The following EIF4ENIF1 variants were observed in gnomAD, a reference collection of about 807,000 sequenced individuals.
EIF4ENIF1 encodes the protein eukaryotic translation initiation factor 4E nuclear import factor 1.
In EIF4ENIF1, 23 loss-of-function variants were observed where a neutral mutation model predicts 110.5. The observed-to-expected ratio is 0.21, with a 90% CI of 0.15 to 0.29. The LOEUF is 0.29. Among genes scored for constraint, EIF4ENIF1 ranks in the 10% least tolerant of loss-of-function variants. The pLI is 1.00. For missense variants in EIF4ENIF1, 1,031 were observed against 1,221.1 expected, an observed-to-expected ratio of 0.84 and a Z score of 2.32; for synonymous variants, 440 against 437.0, an observed-to-expected ratio of 1.01 and a Z score of -0.09.
rs1379877443 is a variant in EIF4ENIF1 at position 31,488,714 on chromosome 22, T to C, written c.5A>G (p.Asp2Gly). ...TTCTGTTTCACCCATACTTCTCCTA[T>C]CCATGGCTCCTTGGTCTACAATGCT... M[D>G]RRSMGETESG... Residue 2 changes from aspartate to glycine, a missense_variant, in exon 2 of 19, where the codon GAT becomes GGT. Physicochemically the swap from Asp to Gly is moderately conservative, Grantham distance 94 (BLOSUM62 -1). This residue lies in a region of EIF4ENIF1 where 704 missense variants were observed against 879.7 expected (regional missense o/e 0.80). Transcript: ENST00000330125. 4 of 1,613,938 alleles carry C rather than the reference T, an allele frequency of 2.5e-6. No homozygotes were observed. In the African/African-American group the frequency reaches 4.0e-5, roughly 16 times the overall value.
upstream of EIF4ENIF1, among the ~76,000 whole-genome samples, chr22:31,492,185 T>A (rs117999639): frequency 6.2e-3 from 944 of 152,272 alleles, 2 homozygotes; most frequent in Non-Finnish European, 0.011. Context: ...GGGCAAGTGT[T>A]CAGAGAGCGA....
chr22:31,484,761 GGC>G (rs2051955272), intron 2 of EIF4ENIF1, among the ~76,000 whole-genome samples: 1 of 152,138 alleles, frequency 6.6e-6, no homozygotes, highest in African/African-American at 2.4e-5. Flanking sequence ...TTGAACCTGG[GGC>G]GGAGGTTGCG....
chr22:31,447,929 C>G (rs1317491749), intron 13 of EIF4ENIF1, among the ~76,000 whole-genome samples: 1 of 152,084 alleles, frequency 6.6e-6, no homozygotes, highest in Non-Finnish European at 1.5e-5. Context: ...GTAGCTGGGA[C>G]TACAGATGCA....
chr22:31,456,663 C>T (rs894267463), intron 7 of EIF4ENIF1, among the ~76,000 whole-genome samples: 7 of 152,222 alleles, frequency 4.6e-5, no homozygotes, highest in South Asian at 2.1e-4. Flanking sequence ...TACAGGCATA[C>T]GCCACCATAT....
chr22:31,442,981 A>G lies in EIF4ENIF1; in HGVS notation c.2187T>C (p.Asp729=). 1 of 1,614,054 alleles carries G rather than the reference A, an allele frequency of 6.2e-7. No individual in the cohort carries two copies. Among genetic ancestry groups the G allele is most frequent in the Middle Eastern group, 1.7e-4 (1 of 6,056 alleles). ...GKAALGDSKE[D]TQKASEENLL... ...CAGTACCTTCACTGGCCTTCTGAGTATCCTCTTTACTGTCACCAAGAGCTG... is the reference window on the plus strand; with the variant it reads ...CAGTACCTTCACTGGCCTTCTGAGTGTCCTCTTTACTGTCACCAAGAGCTG... The change falls in exon 16 of 19, where the codon GAT becomes GAC. Residue 729 remains aspartate, a synonymous_variant. Transcript: ENST00000330125.
intron 6 of EIF4ENIF1, among the ~76,000 whole-genome samples, chr22:31,462,169 A>G (rs189639233): frequency 6.6e-6 from 1 of 152,130 alleles, no homozygotes; most frequent in Non-Finnish European, 1.5e-5. Flanking sequence ...TATGATCTAC[A>G]CTTAGTGAAT....
In EIF4ENIF1 at chr22:31,468,342, T is replaced by G. The variant is rs745989284; in HGVS notation, c.171-40A>C. On this transcript the variant is annotated intron_variant, in intron 3 of 18. Coordinates refer to ENST00000330125, the MANE Select transcript of EIF4ENIF1 (RefSeq NM_019843.4). ...ATACAACTGTTAGCACTTACGCCCATGAACCATATAGGCAGTGTGATTTCT... is the reference window on the plus strand; with the variant it reads ...ATACAACTGTTAGCACTTACGCCCAGGAACCATATAGGCAGTGTGATTTCT... The G allele has an allele frequency of 9.9e-6, 16 of 1,613,516 alleles. No individual in the cohort carries two copies. In the East Asian group the frequency reaches 3.6e-4, roughly 36 times the overall value.
intron 2 of EIF4ENIF1, among the ~76,000 whole-genome samples, chr22:31,488,244 G>GGA (rs1306750130): frequency 6.6e-6 from 1 of 152,118 alleles, no homozygotes; most frequent in Non-Finnish European, 1.5e-5. Context: ...TGCCTCTTAA[G>GGA]GAAACATCAA....
At chr22:31,444,850 C>A (rs1230695469) in intron 14 of EIF4ENIF1, among the ~76,000 whole-genome samples, 160 bp from the exon 15 acceptor site, 1 of 152,162 alleles carries the variant, frequency 6.6e-6, no homozygotes, top group African/African-American at 2.4e-5. Context: ...AAAGCACATG[C>A]TAAGCTCTGA....
Position 31,444,673 on chromosome 22 carries a change from T to C in EIF4ENIF1, c.2006A>G (p.Lys669Arg), listed in dbSNP as rs374538489. Reference sequence around the variant, plus strand: ...CCCTCGATGCACGGGTGCTGGTGACTTGGTCACTCGCTGTTGCCTGTGAAC... The same window carrying C: ...CCCTCGATGCACGGGTGCTGGTGACCTGGTCACTCGCTGTTGCCTGTGAAC... ...GFRNRQQRVT[K>R]SPAPVHRGNS... is the part of the protein sequence containing the mutation. The change falls in exon 15 of 19, where the codon AAG (lysine) becomes AGG (arginine). Residue 669 changes from lysine to arginine, a missense_variant. Coordinates refer to ENST00000330125, the MANE Select transcript of EIF4ENIF1 (RefSeq NM_019843.4). 3.0e-5 allele frequency: 49 copies of C among 1,614,148 alleles called. No homozygotes were observed. In the African/African-American group the frequency reaches 6.4e-4, roughly 21 times the overall value.
intron 2 of EIF4ENIF1, among the ~76,000 whole-genome samples, chr22:31,482,187 A>T (rs1452025411): frequency 1.3e-5 from 2 of 151,076 alleles, no homozygotes; most frequent in Non-Finnish European, 3.0e-5. Context: ...AAAAAATTCC[A>T]CATGAAGTTA....
chr22:31,451,576 TTTA>T (rs942453110), intron 10 of EIF4ENIF1, among the ~76,000 whole-genome samples: 7 of 152,112 alleles, frequency 4.6e-5, no homozygotes, highest in Admixed American at 2.6e-4. Flanking sequence ...ACCCGGCAAC[TTTA>T]TTATTTTTTA....
At chr22:31,485,091 A>G (rs1343295984) in intron 2 of EIF4ENIF1, among the ~76,000 whole-genome samples, 1 of 152,216 alleles carries the variant, frequency 6.6e-6, no homozygotes, top group African/African-American at 2.4e-5. Flanking sequence ...TAGAATTACT[A>G]GAGTGTTGAA....
intron 15 of EIF4ENIF1, 98 bp downstream of exon 15, chr22:31,444,508 G>C: frequency 8.8e-7 from 1 of 1,140,322 alleles, no homozygotes; most frequent in South Asian, 1.2e-5. Context: ...TTCCGTGGAA[G>C]GAACTCAAGG....
chr22:31,454,207 C>T lies in EIF4ENIF1; in HGVS notation c.1449G>A (p.Ala483=), dbSNP rs776122661. ...RQLKKDGDMT[A]FNKLVSTMKA... ...TCATTGTGCTCACTAGCTTGTTGAA[C>T]GCAGTCATGTCTCCGTCTTTCTTCA... Residue 483 remains alanine, a synonymous_variant, in exon 10 of 19, where the codon GCG becomes GCA. Coordinates refer to ENST00000330125, the MANE Select transcript of EIF4ENIF1 (RefSeq NM_019843.4). 16 of 1,614,036 alleles carry T rather than the reference C, an allele frequency of 9.9e-6. No homozygotes were observed. The highest frequency in any genetic ancestry group is 1.3e-5 in the African/African-American group (1 of 74,898).
At chr22:31,488,253 A>G (rs1029214287) in intron 2 of EIF4ENIF1, among the ~76,000 whole-genome samples, 13 of 152,184 alleles carry the variant, frequency 8.5e-5, no homozygotes, top group African/African-American at 3.1e-4. Flanking sequence ...AGGAAACATC[A>G]ATACAGAGGA....
chr22:31,465,282 C>T (rs1011457104), intron 4 of EIF4ENIF1, among the ~76,000 whole-genome samples: 1 of 147,772 alleles, frequency 6.8e-6, no homozygotes, highest in Non-Finnish European at 1.5e-5. Context: ...GAGACTGCAC[C>T]ACTGCACTGT....
chr22:31,470,383 C>T (rs897398679), intron 3 of EIF4ENIF1, among the ~76,000 whole-genome samples: 5 of 151,532 alleles, frequency 3.3e-5, no homozygotes, highest in Non-Finnish European at 1.5e-5. Context: ...CGGGTTCAAG[C>T]GATTCTCCTG....
At chr22:31,477,500 G>A (rs749783295) in intron 2 of EIF4ENIF1, among the ~76,000 whole-genome samples, 18 of 151,862 alleles carry the variant, frequency 1.2e-4, no homozygotes, top group Non-Finnish European at 2.2e-4. Flanking sequence ...ACTACTCTCA[G>A]TTAAGAAGAG....
Sources: gnomAD v4.1 joint callset for allele counts (sites outside exome capture counted in the v4.1 genomes callset) on GRCh38, gnomAD v4.1.1 for gene constraint, gnomAD v4.1.1 regional missense constraint, MANE v1.5 for transcripts, NCBI Gene and HGNC (gene_info 2026-07-23, HGNC 2026-07-21) for gene names.